The following LCTL variants were observed in gnomAD, a reference collection of about 807,000 sequenced individuals.
LCTL encodes the protein lactase-like protein.
Under a neutral mutation model 75.8 loss-of-function variants are expected in LCTL, and 76 were observed. The ratio of observed to expected loss-of-function variants is 1.00; its 90% CI spans 0.83 to 1.21. The LOEUF is 1.21. LCTL is among the 50% of genes most tolerant of loss of function. LCTL has a pLI of 0.00. For synonymous variants in LCTL, 271 were observed against 268.8 expected, an observed-to-expected ratio of 1.01 and a Z score of -0.08; for missense variants, 670 against 712.4, an observed-to-expected ratio of 0.94 and a Z score of 0.68.
chr15:66,564,653 A>T, intron 2 of LCTL, 23 bp downstream of exon 3: 1 of 1,607,868 alleles, frequency 6.2e-7, no homozygotes, highest in Non-Finnish European at 8.5e-7. Flanking sequence ...GCGCACACAC[A>T]CACACTCACA....
chr15:66,558,687 G>GTGTTT (rs1567060806), intron 6 of LCTL, among the ~76,000 whole-genome samples: 2 of 97,562 alleles, frequency 2.0e-5, no homozygotes, highest in Admixed American at 1.1e-4. Context: ...GTGTGTGTGT[G>GTGTTT]TTTTTTTTTT....
intron 6 of LCTL, among the ~76,000 whole-genome samples, chr15:66,558,686 TG>T (rs60394535): frequency 0.066 from 4,494 of 67,702 alleles, 103 homozygotes; most frequent in Admixed American, 0.13. Flanking sequence ...TGTGTGTGTG[TG>T]TTTTTTTTTT....
At chr15:66,553,070 G>A (rs781567956) in exon 9 of LCTL, 1 of 1,606,204 alleles carries the variant, frequency 6.2e-7, no homozygotes, top group South Asian at 1.1e-5. Context: ...GGGTCAACCA[G>A]CTCTATCAAG....
At chr15:66,564,952 C>T (rs7403574) in intron 1 of LCTL, 113 bp from the exon 3 acceptor site, 176,385 of 968,144 alleles carry the variant, frequency 0.18, 16,775 homozygotes, top group Admixed American at 0.25. Flanking sequence ...CCACGCTGCC[C>T]CTGTCCCACT....
exon 6 of LCTL, chr15:66,561,045 G>A (rs376844508): frequency 2.5e-5 from 41 of 1,613,960 alleles, no homozygotes; most frequent in Non-Finnish European, 3.1e-5. Context: ...GGCCGGTGCC[G>A]CGGAGCTTCA....
chr15:66,557,936 C>G (rs1483961911), intron 7 of LCTL, 46 bp downstream of exon 8: 6 of 1,608,646 alleles, frequency 3.7e-6, no homozygotes, highest in Non-Finnish European at 5.1e-6. Flanking sequence ...CATTGCTGCT[C>G]CGGGCACTTG....
intron 6 of LCTL, 59 bp from the exon 8 acceptor site, chr15:66,558,095 A>G (rs1385705439): frequency 2.1e-6 from 3 of 1,453,024 alleles, no homozygotes; most frequent in Non-Finnish European, 2.8e-6. Flanking sequence ...CTCCCTTTCA[A>G]TCTGAGTGGC....
At chr15:66,554,219 A>G (rs1050844365) in intron 8 of LCTL, among the ~76,000 whole-genome samples, 2 of 143,910 alleles carry the variant, frequency 1.4e-5, no homozygotes, top group Non-Finnish European at 1.5e-5. Flanking sequence ...TGAAGCCGGG[A>G]GGTGGAGGTT....
In LCTL at chr15:66,557,707, T is replaced by C. The variant is rs1208683931; in HGVS notation, c.922+15A>G. ...TTGCCCTAGTATCTGCAGTTTAAAATGAGACTGGGCTCACCAATGTAGTCC... is the reference window on the plus strand; with the variant it reads ...TTGCCCTAGTATCTGCAGTTTAAAACGAGACTGGGCTCACCAATGTAGTCC... On this transcript the variant is annotated intron_variant, in intron 8 of 12. Coordinates refer to ENST00000341509, the Ensembl canonical transcript of LCTL. The C allele has an allele frequency of 6.2e-7, 1 of 1,608,388 alleles. No individual in the cohort carries two copies. The highest frequency in any genetic ancestry group is 1.7e-5 in the Admixed American group (1 of 59,602).
chr15:66,559,693 G>A (rs771930650), intron 6 of LCTL, among the ~76,000 whole-genome samples: 2 of 152,288 alleles, frequency 1.3e-5, no homozygotes, highest in East Asian at 1.9e-4. Context: ...GGGCGACAGA[G>A]CGAGAATCTG....
exon 2 of LCTL, chr15:66,564,712 C>G (rs115163164): frequency 1.7e-5 from 27 of 1,613,572 alleles, no homozygotes; most frequent in Non-Finnish European, 2.3e-5. Context: ...CTACATCTGC[C>G]GTCTCATTCC....
At chr15:66,565,202 G>C in intron 1 of LCTL, 46 bp downstream of exon 2, 13 of 1,308,428 alleles carry the variant, frequency 9.9e-6, no homozygotes, top group Non-Finnish European at 1.3e-5. Flanking sequence ...AAAGTGGGCA[G>C]GTGGACGACA....
chr15:66,553,323 C>T, intron 8 of LCTL, 65 bp from the exon 10 acceptor site: 2 of 1,316,572 alleles, frequency 1.5e-6, no homozygotes, highest in Non-Finnish European at 2.0e-6. Flanking sequence ...TGTTATGTAT[C>T]ATGACGATAG....
chr15:66,561,066 A>G (rs1022890992), exon 6 of LCTL: 6 of 1,614,076 alleles, frequency 3.7e-6, no homozygotes, highest in East Asian at 2.2e-5. Context: ...GGCCCGGCGC[A>G]TGGTGGCCCG....
intron 1 of LCTL, 49 bp from the exon 3 acceptor site, chr15:66,564,888 C>A: frequency 6.4e-7 from 1 of 1,572,088 alleles, no homozygotes. Context: ...ATGTGTCACC[C>A]AGAGCCAGGA....
rs202221351 is a variant in LCTL, at chr15:66,557,961, A to C, written c.760+21T>G. The stretch of plus-strand genomic sequence containing the variant: ...CCGGGCACTTGGCTGTCCTGGGTAC[A>C]TGTGTGGGGCCACAGCTCACCTTGC... On this transcript the variant is annotated intron_variant, in intron 7 of 12. Transcript: ENST00000341509. The C allele has an allele frequency of 2.5e-6, 4 of 1,607,012 alleles. No homozygotes were observed. The Admixed American group carries it at 5.0e-5, about 20-fold the overall frequency.
intron 4 of LCTL, among the ~76,000 whole-genome samples, chr15:66,562,766 T>C (rs1895924131): frequency 6.6e-6 from 1 of 152,088 alleles, no homozygotes; most frequent in African/African-American, 2.4e-5. Context: ...GTATTTTTCG[T>C]AGAGACTGTG....
exon 13 of LCTL, chr15:66,548,506 A>C: frequency 6.2e-7 from 1 of 1,601,648 alleles, no homozygotes; most frequent in Non-Finnish European, 8.6e-7. Context: ...CTGCCTCCTC[A>C]GGAGGAGCAT....
Position 66,565,244 on chromosome 15 carries a change from G to T in LCTL, c.118+4C>A, listed in dbSNP as rs377743584. Reference sequence around the variant, plus strand: ...CAGACAGACGAACAGAGGCGTGGCCGTACCAAGAGGGAAGGTTCCATAGTA... The same window carrying T: ...CAGACAGACGAACAGAGGCGTGGCCTTACCAAGAGGGAAGGTTCCATAGTA... On this transcript the variant is annotated splice_donor_region_variant and intron_variant, in intron 1 of 12. Coordinates refer to ENST00000341509, the Ensembl canonical transcript of LCTL. 2 of 1,589,250 alleles carry T rather than the reference G, an allele frequency of 1.3e-6. No individual in the cohort carries two copies. The highest frequency in any genetic ancestry group is 1.7e-6 in the Non-Finnish European group (2 of 1,157,670).
Sources: gnomAD v4.1 joint callset for allele counts (sites outside exome capture counted in the v4.1 genomes callset) on GRCh38, gnomAD v4.1.1 for gene constraint, MANE v1.5 for transcripts, NCBI Gene and HGNC (gene_info 2026-07-23, HGNC 2026-07-21) for gene names.